Variants in DAPP1 observed in about 807,000 individuals in gnomAD.
DAPP1 encodes the protein dual adaptor of phosphotyrosine and 3-phosphoinositides 1.
DAPP1 carries 20 observed loss-of-function variants against 41.5 expected under a neutral mutation model. That is an observed-to-expected ratio of 0.48 (90% CI 0.34 to 0.70). The LOEUF (loss-of-function observed/expected upper bound fraction) is 0.70. Among genes scored for constraint, DAPP1 ranks in the 30% least tolerant of loss-of-function variants. The pLI is 0.01. For synonymous variants in DAPP1, 113 were observed against 116.2 expected, an observed-to-expected ratio of 0.97 and a Z score of 0.18; for missense variants, 233 against 333.4, an observed-to-expected ratio of 0.70 and a Z score of 2.35.
chr4:99,845,115 C>T (rs1350621107), intron 3 of DAPP1, among the ~76,000 whole-genome samples: 1 of 152,224 alleles, frequency 6.6e-6, no homozygotes, highest in African/African-American at 2.4e-5. Flanking sequence ...TATTTCATCT[C>T]AGCCACCCAC....
chr4:99,843,282 A>G (rs894434611), intron 3 of DAPP1, among the ~76,000 whole-genome samples: 1 of 152,216 alleles, frequency 6.6e-6, no homozygotes, highest in African/African-American at 2.4e-5. Flanking sequence ...AGTTATATAT[A>G]ATGCCTTCAG....
At chr4:99,863,631 A>C in intron 6 of DAPP1, 139 bp from the exon 7 acceptor site, 1 of 644,100 alleles carries the variant, frequency 1.6e-6, no homozygotes, top group Non-Finnish European at 2.7e-6. Flanking sequence ...GGGCTTTTCT[A>C]TTGTCAGTCC....
At chr4:99,837,484 A>G (rs1276791373) in intron 2 of DAPP1, among the ~76,000 whole-genome samples, 1 of 152,194 alleles carries the variant, frequency 6.6e-6, no homozygotes, top group Non-Finnish European at 1.5e-5. Context: ...TCACCCTGTT[A>G]TATTTTATTT....
At chr4:99,871,004 G>C (rs1006465888), downstream of DAPP1, among the ~76,000 whole-genome samples, 9 of 152,182 alleles carry the variant, frequency 5.9e-5, no homozygotes, top group Non-Finnish European at 1.2e-4. Context: ...CATCTGTACT[G>C]TTTCTGGGGG....
chr4:99,852,235 G>A (rs776467783), intron 3 of DAPP1, among the ~76,000 whole-genome samples: 7 of 152,218 alleles, frequency 4.6e-5, no homozygotes, highest in East Asian at 1.9e-4. Context: ...GTAAATATTC[G>A]TTGAATGAAT....
At chr4:99,846,305 G>A (rs1027853491) in intron 3 of DAPP1, among the ~76,000 whole-genome samples, 2 of 152,170 alleles carry the variant, frequency 1.3e-5, no homozygotes, top group Non-Finnish European at 2.9e-5. Context: ...GGTATAATGA[G>A]TAAACACACA....
chr4:99,826,533 A>T (rs1258113915), intron 1 of DAPP1, among the ~76,000 whole-genome samples: 1 of 152,250 alleles, frequency 6.6e-6, no homozygotes, highest in Non-Finnish European at 1.5e-5. Context: ...ATCTGTAGAC[A>T]TGAGTTACTA....
chr4:99,838,641 G>A (rs573215129), intron 2 of DAPP1, among the ~76,000 whole-genome samples: 26 of 152,302 alleles, frequency 1.7e-4, no homozygotes, highest in African/African-American at 6.0e-4. Context: ...GATCTGACAG[G>A]AGGCAGAGCT....
At chr4:99,837,700 G>A (rs759674215) in intron 2 of DAPP1, among the ~76,000 whole-genome samples, 30 of 152,034 alleles carry the variant, frequency 2.0e-4, no homozygotes, top group Non-Finnish European at 3.4e-4. Flanking sequence ...CCGGAGCAGC[G>A]GCAGATGGTT....
downstream of DAPP1, among the ~76,000 whole-genome samples, chr4:99,872,097 T>C (rs1372105986): frequency 6.6e-6 from 1 of 152,218 alleles, no homozygotes; most frequent in African/African-American, 2.4e-5. Context: ...AAGAAGGGTC[T>C]ATGAGGACTT....
At chr4:99,863,441 AT>A (rs1011183781) in intron 6 of DAPP1, among the ~76,000 whole-genome samples, 2 of 152,106 alleles carry the variant, frequency 1.3e-5, no homozygotes, top group Non-Finnish European at 2.9e-5. Flanking sequence ...ATTTAAAATT[AT>A]TTTTTCTCAC....
At chr4:99,827,436 G>C (rs900716104) in intron 1 of DAPP1, among the ~76,000 whole-genome samples, 2 of 151,832 alleles carry the variant, frequency 1.3e-5, no homozygotes, top group Non-Finnish European at 2.9e-5. Flanking sequence ...GGGAGGCTGA[G>C]GCAGGAGAAT....
chr4:99,817,206 A>G (rs1376167570), intron 1 of DAPP1, among the ~76,000 whole-genome samples, 192 bp downstream of exon 1: 1 of 152,232 alleles, frequency 6.6e-6, no homozygotes, highest in Non-Finnish European at 1.5e-5. Flanking sequence ...CCATTGGAAA[A>G]GCAGGCATTA....
chr4:99,871,104 G>A (rs920419797), downstream of DAPP1, among the ~76,000 whole-genome samples: 3 of 152,204 alleles, frequency 2.0e-5, no homozygotes, highest in Non-Finnish European at 2.9e-5. Flanking sequence ...ATGCAAGAGA[G>A]TGGGTTCCTC....
chr4:99,865,985 T>TATAC (rs1229213278), intron 7 of DAPP1, 49 bp from the exon 8 acceptor site: 2 of 233,630 alleles, frequency 8.6e-6, no homozygotes, highest in Admixed American at 5.4e-5. Flanking sequence ...TATATATATA[T>TATAC]ATAGCTAATG....
In DAPP1 at chr4:99,862,376, T is replaced by C. The variant is rs114451756; in HGVS notation, c.538-634T>C. 4.4e-3 allele frequency among the ~76,000 whole-genome samples: 670 copies of C among 152,304 alleles called. 4 individuals are homozygous for C. Among genetic ancestry groups the C allele is most frequent in the Admixed American group, 6.7e-3 (103 of 15,290 alleles). On this transcript the variant is annotated intron_variant, in intron 5 of 8. Transcript: ENST00000512369. ...ACCCAGGATAGAGTAGGATGCTGTT[T>C]GTATATAAGAAGGTAACAGCGGGCA... is the stretch of plus-strand genomic sequence containing the variant.
rs1722600589 is a variant in DAPP1, at chr4:99,816,848, A to G, written c.-66A>G. 1.4e-6 allele frequency: 2 copies of G among 1,387,588 alleles called. No homozygotes were observed. The highest frequency in any genetic ancestry group is 2.0e-6 in the Non-Finnish European group (2 of 1,008,778). The allele number at this position is 1,387,588 out of a possible 1,614,324, so 86.0% of individuals were successfully genotyped here. ...CAGAGCCATAGCAGGCTGCTGTCTC[A>G]CAGAGCGAGAAGGTGTCAGGAGCAG... On this transcript the variant is annotated 5_prime_UTR_variant, in exon 1 of 9. Transcript: ENST00000512369.
rs924945067 is a variant in DAPP1, at chr4:99,868,357, C to T, written c.*172C>T. ...ACCACGTTGCTGACTCACGTTGCTG[C>T]CCTTCCATGATGTTGCCATCTCCTT... On this transcript the variant is annotated 3_prime_UTR_variant, in exon 9 of 9. Transcript: ENST00000512369. 1 of 619,894 alleles carries T rather than the reference C, an allele frequency of 1.6e-6. No homozygotes were observed. Among genetic ancestry groups the T allele is most frequent in the Non-Finnish European group, 2.9e-6 (1 of 350,282 alleles). The allele number at this position is 619,894 out of a possible 1,614,324, so 38.4% of individuals were successfully genotyped here. A position where few individuals can be genotyped will look rare whatever the true frequency, so the allele number is the denominator to read the frequency against.
chr4:99,840,931 T>C (rs983737825), intron 3 of DAPP1, among the ~76,000 whole-genome samples: 1 of 152,164 alleles, frequency 6.6e-6, no homozygotes, highest in African/African-American at 2.4e-5. Flanking sequence ...TGAATTTTCC[T>C]GTTTGAATGG....
Sources: gnomAD v4.1 joint callset for allele counts (sites outside exome capture counted in the v4.1 genomes callset) on GRCh38, gnomAD v4.1.1 for gene constraint, MANE v1.5 for transcripts, NCBI Gene and HGNC (gene_info 2026-07-23, HGNC 2026-07-21) for gene names.